The following GNAO1 variants were observed in gnomAD, a reference collection of about 807,000 sequenced individuals.
GNAO1 encodes G protein subunit alpha o1, also known as guanine nucleotide-binding protein G(o) subunit alpha.
For missense variants in GNAO1, 166 were observed against 478.7 expected (o/e 0.35, Z 6.10); for synonymous variants, 164 against 180.7 (o/e 0.91, Z 0.74).
At chr16:56,281,882 C>T (rs2037118032) in intron 3 of GNAO1, among the ~76,000 whole-genome samples, 1 of 152,196 alleles carries the variant, frequency 6.6e-6, no homozygotes, top group Non-Finnish European at 1.5e-5. Context: ...TAATATAGTT[C>T]ATCATACACA....
At chr16:56,355,149 C>T (rs1048351702) in intron 8 of GNAO1, 68 bp downstream of exon 8, 15 of 607,680 alleles carry the variant, frequency 2.5e-5, no homozygotes, top group Non-Finnish European at 4.0e-5. Context: ...CACACACACA[C>T]ACACACCACT....
intron 2 of GNAO1, among the ~76,000 whole-genome samples, chr16:56,220,238 C>CA (rs1388037270): frequency 1.3e-5 from 2 of 152,082 alleles, no homozygotes; most frequent in African/African-American, 2.4e-5. Flanking sequence ...TACCTGCTTA[C>CA]AAAAAAATCA....
At chr16:56,287,871 A>G (rs2037188804) in intron 3 of GNAO1, among the ~76,000 whole-genome samples, 1 of 152,224 alleles carries the variant, frequency 6.6e-6, no homozygotes, top group Admixed American at 6.5e-5. Flanking sequence ...AGAGAGCAGG[A>G]GAGATCACAG....
chr16:56,283,916 T>C (rs2037138820), intron 3 of GNAO1, among the ~76,000 whole-genome samples: 1 of 152,098 alleles, frequency 6.6e-6, no homozygotes, highest in Non-Finnish European at 1.5e-5. Flanking sequence ...AGATGGAACA[T>C]AGGTTTCATC....
At chr16:56,226,563 T>C (rs1316053667) in intron 2 of GNAO1, 1 of 152,070 alleles carries the variant, frequency 6.6e-6, no homozygotes, top group African/African-American at 2.4e-5. Context: ...GGGGATGCCG[T>C]CTACTGAGGT....
intron 2 of GNAO1, among the ~76,000 whole-genome samples, chr16:56,208,859 T>G (rs1232799241): frequency 6.6e-6 from 1 of 152,218 alleles, no homozygotes; most frequent in African/African-American, 2.4e-5. Context: ...CTTTATGTGT[T>G]GTAAATACTA....
At chr16:56,242,663 A>T (rs894058496) in intron 2 of GNAO1, among the ~76,000 whole-genome samples, 1 of 152,380 alleles carries the variant, frequency 6.6e-6, no homozygotes, top group South Asian at 2.1e-4. Context: ...ATATACAAAA[A>T]TTAATTCAAA....
At chr16:56,301,508 G>A (rs138203279) in intron 3 of GNAO1, among the ~76,000 whole-genome samples, 23 of 152,338 alleles carry the variant, frequency 1.5e-4, no homozygotes, top group African/African-American at 5.5e-4. Flanking sequence ...CTGCAAGAAG[G>A]GCTTTCTCTG....
At chr16:56,298,914 CAAA>C (rs761298658) in intron 3 of GNAO1, among the ~76,000 whole-genome samples, 3 of 70,302 alleles carry the variant, frequency 4.3e-5, no homozygotes. Flanking sequence ...GACTCTGTCT[CAAA>C]AAAAAAAAAA....
intron 4 of GNAO1, among the ~76,000 whole-genome samples, chr16:56,331,401 G>A (rs970808114): frequency 2.0e-5 from 3 of 152,132 alleles, no homozygotes; most frequent in Admixed American, 6.5e-5. Flanking sequence ...GCTGGCGTCC[G>A]ACGTTTCCTC....
intron 6 of GNAO1, among the ~76,000 whole-genome samples, chr16:56,349,359 T>C (rs1388049461): frequency 6.6e-6 from 1 of 152,152 alleles, no homozygotes; most frequent in Non-Finnish European, 1.5e-5. Context: ...GTGGGGAGCA[T>C]GTTCCTGTGG....
chr16:56,268,788 GAC>G (rs2036983947), intron 2 of GNAO1, among the ~76,000 whole-genome samples: 1 of 152,024 alleles, frequency 6.6e-6, no homozygotes, highest in Non-Finnish European at 1.5e-5. Context: ...AGCTGCACAG[GAC>G]ACACACTGTA....
intron 2 of GNAO1, among the ~76,000 whole-genome samples, chr16:56,220,367 A>G (rs1474472389): frequency 2.0e-5 from 3 of 152,182 alleles, no homozygotes; most frequent in Non-Finnish European, 4.4e-5. Context: ...ACTAGAGCCT[A>G]CTGTGGCCAG....
At chr16:56,331,916 G>A (rs145346636) in intron 4 of GNAO1, among the ~76,000 whole-genome samples, 5 of 152,100 alleles carry the variant, frequency 3.3e-5, no homozygotes, top group African/African-American at 1.2e-4. Context: ...GCTGCTCTGT[G>A]TGCTCCTCCC....
intron 3 of GNAO1, among the ~76,000 whole-genome samples, chr16:56,312,449 A>T (rs1388866962): frequency 6.6e-6 from 1 of 152,132 alleles, no homozygotes; most frequent in Non-Finnish European, 1.5e-5. Context: ...TTGTCTGTCT[A>T]TCTGAGTCCC....
chr16:56,278,768 G>A (rs1005743020), intron 3 of GNAO1, among the ~76,000 whole-genome samples: 3 of 152,148 alleles, frequency 2.0e-5, no homozygotes, highest in Admixed American at 6.5e-5. Context: ...GTGGGAGGAC[G>A]AGGGGACAGA....
Position 56,351,570 on chromosome 16 carries a change from C to G in GNAO1, c.877+33C>G. 6.3e-7 allele frequency: 1 copy of G among 1,578,484 alleles called. No homozygotes were observed. Among genetic ancestry groups the G allele is most frequent in the Non-Finnish European group, 8.7e-7 (1 of 1,154,964 alleles). Reference sequence around the variant, plus strand: ...CCAGGCAGTCCTGTGCAGGGGGAAGCCTGCCCCTGACAGGGACCCATGGCT... The same window carrying G: ...CCAGGCAGTCCTGTGCAGGGGGAAGGCTGCCCCTGACAGGGACCCATGGCT... On this transcript the variant is annotated intron_variant, in intron 7 of 8. Transcript: ENST00000262493. The surrounding 1 kb of genome is among the most constrained non-coding windows in gnomAD (Gnocchi z 6.1).
At chr16:56,203,271 G>A (rs1180872665) in intron 2 of GNAO1, among the ~76,000 whole-genome samples, 7 of 152,042 alleles carry the variant, frequency 4.6e-5, no homozygotes, top group Admixed American at 3.3e-4. Context: ...GTAGGTTCAT[G>A]ACTCAGGCCT....
chr16:56,221,809 T>C (rs753452761), intron 2 of GNAO1, among the ~76,000 whole-genome samples: 16 of 152,144 alleles, frequency 1.1e-4, no homozygotes, highest in Non-Finnish European at 1.8e-4. Flanking sequence ...ATCGTCATCA[T>C]TGTTTCAGGA....
Sources: gnomAD v4.1 joint callset for allele counts (sites outside exome capture counted in the v4.1 genomes callset) on GRCh38, gnomAD v4.1.1 for gene constraint, Gnocchi (gnomAD v3.1) non-coding constraint, MANE v1.5 for transcripts, NCBI Gene and HGNC (gene_info 2026-07-23, HGNC 2026-07-21) for gene names.